GFRA2: variants seen among roughly 807,000 people sequenced by gnomAD.
GFRA2 encodes the protein GDNF family receptor alpha 2, also known as GDNF family receptor alpha-2.
In GFRA2, 17 loss-of-function variants were observed where a neutral mutation model predicts 48.3. The ratio of observed to expected loss-of-function variants is 0.35; its 90% CI spans 0.24 to 0.53. GFRA2 has a LOEUF of 0.53. GFRA2 is among the 20% of genes least tolerant of loss of function. GFRA2 has a pLI of 0.93. For synonymous variants in GFRA2, 305 were observed against 257.2 expected (o/e 1.19, Z -1.78); for missense variants, 660 against 637.3 (o/e 1.04, Z -0.38).
intron 7 of GFRA2, 34 bp downstream of exon 7, chr8:21,702,771 G>C: frequency 6.5e-7 from 1 of 1,543,764 alleles, no homozygotes; most frequent in Non-Finnish European, 8.7e-7. Flanking sequence ...CGGTGCCATG[G>C]TGCTCCCCCC....
At chr8:21,727,713 G>A (rs528124269) in intron 4 of GFRA2, among the ~76,000 whole-genome samples, 13 of 152,206 alleles carry the variant, frequency 8.5e-5, no homozygotes, top group East Asian at 1.9e-4. Context: ...CAGCCTCCCC[G>A]CTGGGCCTCC....
At chr8:21,783,826 C>T (rs1807134190) in intron 1 of GFRA2, among the ~76,000 whole-genome samples, 2 of 151,954 alleles carry the variant, frequency 1.3e-5, no homozygotes, top group Admixed American at 6.6e-5. Flanking sequence ...CTATATCTTA[C>T]GCTTCTCTTG....
chr8:21,751,003 C>T (rs1805267016), intron 3 of GFRA2, 61 bp from the exon 4 acceptor site: 1 of 1,109,990 alleles, frequency 9.0e-7, no homozygotes, highest in Non-Finnish European at 1.3e-6. Context: ...ACACAGCTGC[C>T]CCCTCACTGG....
chr8:21,724,197 C>G (rs1465245693), intron 4 of GFRA2, among the ~76,000 whole-genome samples: 1 of 152,078 alleles, frequency 6.6e-6, no homozygotes, highest in African/African-American at 2.4e-5. Flanking sequence ...AGCAGCAGAG[C>G]CTGACAGTAT....
At chr8:21,746,287 A>G (rs1382200847) in intron 4 of GFRA2, among the ~76,000 whole-genome samples, 3 of 152,062 alleles carry the variant, frequency 2.0e-5, no homozygotes, top group African/African-American at 7.2e-5. Context: ...TCAACTCTCC[A>G]TCATGCACAA....
intron 4 of GFRA2, among the ~76,000 whole-genome samples, chr8:21,710,852 C>G (rs946879122): frequency 1.9e-4 from 29 of 152,248 alleles, no homozygotes; most frequent in African/African-American, 6.5e-4. Flanking sequence ...CGTCCAGCAG[C>G]CTTGGCAAGA....
At chr8:21,734,442 C>G (rs1353986243) in intron 4 of GFRA2, among the ~76,000 whole-genome samples, 1 of 152,252 alleles carries the variant, frequency 6.6e-6, no homozygotes, top group African/African-American at 2.4e-5. Flanking sequence ...CACTGGGAAA[C>G]ATCACATTTT....
rs568863048 is a variant in GFRA2, at chr8:21,750,341, A to T, written c.794+247T>A. Among the ~76,000 whole-genome samples, 1 of 152,332 alleles carries T rather than the reference A, an allele frequency of 6.6e-6. No individual in the cohort carries two copies. The highest frequency in any genetic ancestry group is 2.4e-5 in the African/African-American group (1 of 41,572). Reference sequence around the variant, plus strand: ...CAGCTGAGCACAAAGTAAGCAAATGATAAACCTGTTCTGAGTGAATGAATG... The same window carrying T: ...CAGCTGAGCACAAAGTAAGCAAATGTTAAACCTGTTCTGAGTGAATGAATG... On this transcript the variant is annotated intron_variant, in intron 4 of 8. Transcript: ENST00000524240. This position sits in a 1 kb window ranked among gnomAD's most constrained non-coding sequence, Gnocchi z 5.7.
chr8:21,749,610 C>T (rs766140964), intron 4 of GFRA2, among the ~76,000 whole-genome samples: 2 of 152,044 alleles, frequency 1.3e-5, no homozygotes, highest in Non-Finnish European at 2.9e-5. Context: ...CTGATAGCCA[C>T]GTGACCTACG....
chr8:21,796,037 C>G (rs1807668922), intron 2 of GFRA2, among the ~76,000 whole-genome samples: 1 of 152,224 alleles, frequency 6.6e-6, no homozygotes, highest in Non-Finnish European at 1.5e-5. Flanking sequence ...CTCGCCTTCC[C>G]CCTTCACAGC....
Position 21,786,932 on chromosome 8 carries a change from G to A in GFRA2, c.40+1188C>T, listed in dbSNP as rs1056898024. On this transcript the variant is annotated intron_variant, in intron 1 of 8. Coordinates refer to ENST00000524240, the MANE Select transcript of GFRA2 (RefSeq NM_001495.5). Reference sequence around the variant, plus strand: ...AGCCTGGCTCAACACTGGCTACACAGCAAGCCAAGGTGGTAGAACTACACC... The same window carrying A: ...AGCCTGGCTCAACACTGGCTACACAACAAGCCAAGGTGGTAGAACTACACC... Among the ~76,000 whole-genome samples the A allele has an allele frequency of 6.8e-3, 1,027 of 152,122 alleles. 10 individuals carry two copies. The highest frequency in any genetic ancestry group is 0.023 in the African/African-American group (970 of 41,482).
At chr8:21,697,733 G>A (rs977399952) in intron 7 of GFRA2, among the ~76,000 whole-genome samples, 5 of 152,192 alleles carry the variant, frequency 3.3e-5, no homozygotes, top group Admixed American at 2.6e-4. Flanking sequence ...TTGTGGGAGG[G>A]AACCAGTGGG....
At chr8:21,754,722 T>A (rs1188524831) in intron 3 of GFRA2, among the ~76,000 whole-genome samples, 1 of 152,136 alleles carries the variant, frequency 6.6e-6, no homozygotes, top group Non-Finnish European at 1.5e-5. Context: ...TTAGCCAGGC[T>A]GGTCTCAAAC....
intron 3 of GFRA2, among the ~76,000 whole-genome samples, chr8:21,762,576 T>A (rs1355101113): frequency 6.6e-6 from 1 of 152,204 alleles, no homozygotes; most frequent in East Asian, 1.9e-4. Flanking sequence ...ATTTGACGAA[T>A]GGCAAATACA....
chr8:21,803,088 G>T (rs1261924100), intron 2 of GFRA2, among the ~76,000 whole-genome samples: 1 of 152,210 alleles, frequency 6.6e-6, no homozygotes, highest in African/African-American at 2.4e-5. Context: ...CACCGCAAAG[G>T]TTTATTTATT....
intron 3 of GFRA2, among the ~76,000 whole-genome samples, chr8:21,768,905 T>G (rs1437064726): frequency 6.6e-6 from 1 of 152,158 alleles, no homozygotes; most frequent in Admixed American, 6.5e-5. Flanking sequence ...CTCAAAAGAC[T>G]TGAGGTTCCT....
chr8:21,785,656 A>C (rs931901117), intron 1 of GFRA2, among the ~76,000 whole-genome samples: 2 of 152,210 alleles, frequency 1.3e-5, no homozygotes, highest in African/African-American at 4.8e-5. Flanking sequence ...CTAGAAAGTC[A>C]GTCGGAAGTG....
chr8:21,742,744 T>C (rs1002662031), intron 4 of GFRA2, among the ~76,000 whole-genome samples: 6 of 152,188 alleles, frequency 3.9e-5, no homozygotes, highest in Admixed American at 2.6e-4. Context: ...CCTGTGTAAG[T>C]GACCTGCCAC....
intron 4 of GFRA2, among the ~76,000 whole-genome samples, chr8:21,740,691 C>T (rs896167273): frequency 5.3e-5 from 8 of 152,190 alleles, no homozygotes; most frequent in African/African-American, 9.6e-5. Context: ...GCCATAAATA[C>T]GCTAATGCCC....
Sources: allele counts gnomAD v4.1 joint callset (sites outside exome capture counted in the v4.1 genomes callset), GRCh38; gene constraint gnomAD v4.1.1; non-coding constraint Gnocchi (gnomAD v3.1); transcripts MANE v1.5; gene names NCBI Gene and HGNC (gene_info 2026-07-23, HGNC 2026-07-21).